The following ARHGAP26 variants were observed in gnomAD, a reference collection of about 807,000 sequenced individuals.
The protein encoded by ARHGAP26 is rho GTPase-activating protein 26.
Under a neutral mutation model 104.8 loss-of-function variants are expected in ARHGAP26, and 38 were observed. The observed-to-expected ratio is 0.36, with a 90% confidence interval of 0.28 to 0.48. The LOEUF (loss-of-function observed/expected upper bound fraction) is 0.48, where lower values mean the gene tolerates loss of function less well. Among genes scored for constraint, ARHGAP26 ranks in the 20% least tolerant of loss-of-function variants. The probability of loss-of-function intolerance (pLI) is 0.99; values close to 1 mark genes in which losing one functional copy is unlikely to be tolerated. For missense variants in ARHGAP26, 704 were observed against 947.9 expected, an observed-to-expected ratio of 0.74 and a Z score of 3.38; for synonymous variants, 341 against 340.0, an observed-to-expected ratio of 1.00 and a Z score of -0.03.
chr5:142,852,104 C>G (rs1437441258), intron 1 of ARHGAP26, among the ~76,000 whole-genome samples: 1 of 152,194 alleles, frequency 6.6e-6, no homozygotes, highest in Non-Finnish European at 1.5e-5. Context: ...GATAGGTTTT[C>G]TGTGAAGAGG....
chr5:142,994,222 G>A (rs1176779238), intron 11 of ARHGAP26, among the ~76,000 whole-genome samples: 3 of 152,180 alleles, frequency 2.0e-5, no homozygotes, highest in Admixed American at 6.5e-5. Context: ...TATAGGTAGG[G>A]CATTGAAGGA....
chr5:143,093,281 T>C (rs915665667), intron 17 of ARHGAP26, among the ~76,000 whole-genome samples: 2 of 152,120 alleles, frequency 1.3e-5, no homozygotes. Flanking sequence ...TTGAATGCAT[T>C]TGGGCCATCT....
At chr5:143,074,171 A>T (rs186913747) in intron 17 of ARHGAP26, among the ~76,000 whole-genome samples, 3 of 152,308 alleles carry the variant, frequency 2.0e-5, no homozygotes, top group African/African-American at 7.2e-5. Flanking sequence ...TTCCTTAGAC[A>T]TTAATTAGTT....
chr5:142,974,815 C>T (rs1235717680), intron 11 of ARHGAP26, among the ~76,000 whole-genome samples: 1 of 152,160 alleles, frequency 6.6e-6, no homozygotes, highest in Non-Finnish European at 1.5e-5. Context: ...AATAGTTTCC[C>T]CTTTTGTTCC....
intron 17 of ARHGAP26, among the ~76,000 whole-genome samples, chr5:143,120,741 T>G (rs1796034014): frequency 6.6e-6 from 1 of 152,164 alleles, no homozygotes; most frequent in Non-Finnish European, 1.5e-5. Flanking sequence ...CTTTGGTTGG[T>G]TGGTTGTTCT....
At chr5:143,031,742 A>G (rs1781908221) in intron 12 of ARHGAP26, among the ~76,000 whole-genome samples, 1 of 151,740 alleles carries the variant, frequency 6.6e-6, no homozygotes, top group African/African-American at 2.4e-5. Flanking sequence ...ATTTATTTTT[A>G]TTTTTTGAGA....
rs1385232335 is a variant in ARHGAP26, at chr5:143,147,239, A to G, written c.1846A>G (p.Arg616Gly). ...TVQSTEKQEQ[R>G]NSIINSSLES... ...TGGCTTTTCCCCCCCAGAGGAACAAAGGAACAGCATCATCAACTCCAGTTT... is the reference window on the plus strand; with the variant it reads ...TGGCTTTTCCCCCCCAGAGGAACAAGGGAACAGCATCATCAACTCCAGTTT... The change falls in exon 20 of 23, where the codon AGG becomes GGG. Residue 616 changes from arginine (R) to glycine (G), a missense_variant. Physicochemically the swap from Arg to Gly is moderately radical, Grantham distance 125. This residue lies in a region of ARHGAP26 where 217 missense variants were observed against 242.6 expected (regional missense o/e 0.89). Transcript: ENST00000645722. 2.5e-6 allele frequency: 4 copies of G among 1,613,968 alleles called. No individual in the cohort carries two copies. The highest frequency in any genetic ancestry group is 2.2e-5 in the East Asian group (1 of 44,876).
chr5:142,997,494 G>A (rs1313183030), intron 11 of ARHGAP26, among the ~76,000 whole-genome samples: 1 of 151,764 alleles, frequency 6.6e-6, no homozygotes, highest in Non-Finnish European at 1.5e-5. Flanking sequence ...TTGCAGCCTC[G>A]ATCCCTTGGG....
intron 1 of ARHGAP26, among the ~76,000 whole-genome samples, chr5:142,810,497 C>T (rs1395101480): frequency 6.6e-6 from 1 of 152,054 alleles, no homozygotes; most frequent in Non-Finnish European, 1.5e-5. Context: ...CCATCTCTTT[C>T]TTTTTTGTGT....
chr5:142,947,521 C>T (rs1459854024), intron 11 of ARHGAP26, among the ~76,000 whole-genome samples: 5 of 152,090 alleles, frequency 3.3e-5, no homozygotes, highest in Non-Finnish European at 7.4e-5. Flanking sequence ...GTTGTCATGC[C>T]AGGGAGATGT....
At chr5:142,828,272 T>G (rs565389031) in intron 1 of ARHGAP26, among the ~76,000 whole-genome samples, 9 of 152,368 alleles carry the variant, frequency 5.9e-5, no homozygotes, top group African/African-American at 2.2e-4. Flanking sequence ...GAAAAGATTT[T>G]GAGTGCACTG....
intron 1 of ARHGAP26, among the ~76,000 whole-genome samples, chr5:142,815,321 G>C (rs1428377448): frequency 3.9e-5 from 6 of 152,214 alleles, no homozygotes; most frequent in Admixed American, 3.9e-4. Context: ...GATTACCGGT[G>C]TGAACCACCA....
At chr5:142,788,806 A>G (rs1759188976) in intron 1 of ARHGAP26, among the ~76,000 whole-genome samples, 1 of 152,204 alleles carries the variant, frequency 6.6e-6, no homozygotes, top group African/African-American at 2.4e-5. Context: ...CCAATGCCCC[A>G]CAGATACTAA....
intron 11 of ARHGAP26, among the ~76,000 whole-genome samples, chr5:143,006,130 T>C (rs932913839): frequency 9.2e-5 from 14 of 152,160 alleles, no homozygotes; most frequent in African/African-American, 3.1e-4. Context: ...GATAAATCTG[T>C]ATCCTGTTTT....
intron 1 of ARHGAP26, among the ~76,000 whole-genome samples, chr5:142,831,221 T>C (rs1431582535): frequency 1.3e-5 from 2 of 152,220 alleles, no homozygotes; most frequent in South Asian, 2.1e-4. Flanking sequence ...ATCCCAATAC[T>C]CTGTGCTCAG....
At chr5:142,805,254 C>T (rs1762788988) in intron 1 of ARHGAP26, among the ~76,000 whole-genome samples, 1 of 152,064 alleles carries the variant, frequency 6.6e-6, no homozygotes, top group African/African-American at 2.4e-5. Flanking sequence ...AAGCATGTGC[C>T]ACCACACCTG....
chr5:143,126,281 AT>A (rs1316106872), intron 18 of ARHGAP26, among the ~76,000 whole-genome samples: 1 of 152,194 alleles, frequency 6.6e-6, no homozygotes, highest in Non-Finnish European at 1.5e-5. Flanking sequence ...TTAAAATGGC[AT>A]GGTTGTGAAA....
At chr5:142,958,148 A>G (rs1031147966) in intron 11 of ARHGAP26, among the ~76,000 whole-genome samples, 1 of 152,218 alleles carries the variant, frequency 6.6e-6, no homozygotes, top group African/African-American at 2.4e-5. Context: ...GTGTTTAGAT[A>G]AACCATTTCC....
At chr5:143,133,877 C>A in intron 18 of ARHGAP26, 90 bp from the exon 19 acceptor site, 1 of 1,304,686 alleles carries the variant, frequency 7.7e-7, no homozygotes, top group Non-Finnish European at 1.0e-6. Flanking sequence ...AATTCCAAGA[C>A]ACTGCCAAGC....
Sources: gnomAD v4.1 joint callset for allele counts (sites outside exome capture counted in the v4.1 genomes callset) on GRCh38, gnomAD v4.1.1 for gene constraint, gnomAD v4.1.1 regional missense constraint, MANE v1.5 for transcripts, NCBI Gene and HGNC (gene_info 2026-07-23, HGNC 2026-07-21) for gene names.